The following MAPKAP1 variants were observed in gnomAD, a reference collection of about 807,000 sequenced individuals.
The protein encoded by MAPKAP1 is MAPK associated protein 1.
Under a neutral mutation model 65.7 loss-of-function variants are expected in MAPKAP1, and 20 were observed. The ratio of observed to expected loss-of-function variants is 0.30; its 90% CI spans 0.21 to 0.44. The LOEUF is 0.44. MAPKAP1 is among the 20% of genes least tolerant of loss of function. The probability of loss-of-function intolerance (pLI) is 1.00; values close to 1 mark genes in which losing one functional copy is unlikely to be tolerated. For missense variants in MAPKAP1, 423 were observed against 648.0 expected, an observed-to-expected ratio of 0.65 and a Z score of 3.77; for synonymous variants, 222 against 244.3, an observed-to-expected ratio of 0.91 and a Z score of 0.85.
At chr9:125,527,841 G>A (rs987871101) in intron 7 of MAPKAP1, among the ~76,000 whole-genome samples, 5 of 152,130 alleles carry the variant, frequency 3.3e-5, no homozygotes, top group Non-Finnish European at 2.9e-5. Context: ...TAATTTCAAC[G>A]GATATGCATC....
At chr9:125,602,750 C>T (rs1463549398) in intron 4 of MAPKAP1, among the ~76,000 whole-genome samples, 2 of 152,076 alleles carry the variant, frequency 1.3e-5, no homozygotes, top group African/African-American at 4.8e-5. Context: ...TTAATATGCC[C>T]AACAGTCCTG....
At chr9:125,587,501 T>C (rs1831824464) in intron 4 of MAPKAP1, among the ~76,000 whole-genome samples, 1 of 152,204 alleles carries the variant, frequency 6.6e-6, no homozygotes, top group African/African-American at 2.4e-5. Flanking sequence ...AGAAGGCAGA[T>C]GTTGCAATGA....
Position 125,524,619 on chromosome 9 carries a change from C to T in MAPKAP1, c.959-18202G>A, listed in dbSNP as rs559542731. ...ATGGGAAAAATGGCAGAAGAGGAGA[C>T]GTGGCTGTCAGCCATTTTCCTTTCT... On this transcript the variant is annotated intron_variant, in intron 7 of 11. Transcript: ENST00000265960. Among the ~76,000 whole-genome samples the T allele has an allele frequency of 5.8e-4, 88 of 152,340 alleles. 2 individuals carry two copies. In the South Asian group the frequency reaches 0.016, roughly 27 times the overall value.
chr9:125,635,920 A>T (rs1833410857), intron 4 of MAPKAP1, among the ~76,000 whole-genome samples: 1 of 152,242 alleles, frequency 6.6e-6, no homozygotes, highest in African/African-American at 2.4e-5. Context: ...TTTTCACTAA[A>T]TTAAACTAAA....
At chr9:125,554,438 G>T (rs1354646247) in intron 6 of MAPKAP1, among the ~76,000 whole-genome samples, 1 of 152,190 alleles carries the variant, frequency 6.6e-6, no homozygotes, top group Non-Finnish European at 1.5e-5. Context: ...TTGAAACAGG[G>T]AGAGTCCTGG....
chr9:125,702,007 T>G (rs1324599933), intron 1 of MAPKAP1, among the ~76,000 whole-genome samples: 1 of 152,206 alleles, frequency 6.6e-6, no homozygotes, highest in Non-Finnish European at 1.5e-5. Flanking sequence ...AGCAGCCAGG[T>G]AGGTTGGAGT....
chr9:125,631,106 A>C (rs1833267687), intron 4 of MAPKAP1, among the ~76,000 whole-genome samples: 1 of 151,642 alleles, frequency 6.6e-6, no homozygotes, highest in African/African-American at 2.4e-5. Flanking sequence ...CAAAAAAAAA[A>C]AAAAAGCCTG....
intron 10 of MAPKAP1, among the ~76,000 whole-genome samples, chr9:125,464,559 T>C (rs529923534): frequency 3.6e-4 from 55 of 152,336 alleles, no homozygotes; most frequent in African/African-American, 1.3e-3. Flanking sequence ...TTCATATTTA[T>C]ATGTACAATT....
chr9:125,481,215 T>C (rs1312772962), intron 9 of MAPKAP1, among the ~76,000 whole-genome samples: 1 of 152,166 alleles, frequency 6.6e-6, no homozygotes, highest in Non-Finnish European at 1.5e-5. Context: ...CTTTTTCCTT[T>C]GAAATAATTT....
chr9:125,525,709 A>AC (rs1440317403), intron 7 of MAPKAP1, among the ~76,000 whole-genome samples: 13 of 151,098 alleles, frequency 8.6e-5, no homozygotes, highest in Admixed American at 6.6e-4. Flanking sequence ...AAACAAACAA[A>AC]AAAAAAAAAA....
At chr9:125,570,249 G>C (rs986462485) in intron 5 of MAPKAP1, among the ~76,000 whole-genome samples, 2 of 152,204 alleles carry the variant, frequency 1.3e-5, no homozygotes, top group Non-Finnish European at 2.9e-5. Flanking sequence ...GGGCAAGTTA[G>C]AAAGTCCAAG....
intron 7 of MAPKAP1, among the ~76,000 whole-genome samples, chr9:125,519,519 C>T (rs1829559150): frequency 6.6e-6 from 1 of 151,664 alleles, no homozygotes; most frequent in African/African-American, 2.4e-5. Context: ...GTCTTAGCTG[C>T]TTGGAAGGCT....
chr9:125,677,208 G>C (rs1834671680), intron 1 of MAPKAP1, among the ~76,000 whole-genome samples: 1 of 152,162 alleles, frequency 6.6e-6, no homozygotes, highest in Non-Finnish European at 1.5e-5. Flanking sequence ...GGAGGCCGAG[G>C]CGGGCGGATC....
intron 7 of MAPKAP1, chr9:125,521,600 A>T (rs1217925168): frequency 3.5e-5 from 52 of 1,480,196 alleles, no homozygotes; most frequent in Non-Finnish European, 8.9e-6. Flanking sequence ...ACTGCAGAGG[A>T]ATTTAGCTGT....
intron 10 of MAPKAP1, among the ~76,000 whole-genome samples, chr9:125,452,779 T>C (rs527241961): frequency 1.3e-5 from 2 of 151,880 alleles, no homozygotes; most frequent in South Asian, 4.2e-4. Flanking sequence ...GAGGCTGGGC[T>C]GGGAGGCTGA....
rs987058884 is a variant in MAPKAP1 at position 125,644,675 on chromosome 9, T to C, written c.498+12976A>G. ...TAAAAGGTTACTTTAATGTGAATAA[T>C]AGCCTCCCAATATACTCAAGTTAAT... On this transcript the variant is annotated intron_variant, in intron 4 of 11. Transcript: ENST00000265960. Among the ~76,000 whole-genome samples the C allele has an allele frequency of 2.6e-5, 4 of 152,340 alleles. 1 individual carries two copies.
At chr9:125,703,861 A>G (rs992576125) in intron 1 of MAPKAP1, among the ~76,000 whole-genome samples, 6 of 152,170 alleles carry the variant, frequency 3.9e-5, no homozygotes, top group Non-Finnish European at 5.9e-5. Context: ...TAAGGCCTAT[A>G]CATCAGAATA....
At chr9:125,693,721 G>GTATACACACATATACACA (rs1564620357) in intron 1 of MAPKAP1, among the ~76,000 whole-genome samples, 2 of 58,920 alleles carry the variant, frequency 3.4e-5, no homozygotes, top group African/African-American at 7.9e-5. Flanking sequence ...ATATATACAC[G>GTATACACACATATACACA]TATATACACA....
At chr9:125,610,585 A>T (rs938473772) in intron 4 of MAPKAP1, among the ~76,000 whole-genome samples, 1 of 152,076 alleles carries the variant, frequency 6.6e-6, no homozygotes, top group African/African-American at 2.4e-5. Context: ...ACCCACCACC[A>T]CCAAAGACCT....
Sources: allele counts gnomAD v4.1 joint callset (sites outside exome capture counted in the v4.1 genomes callset), GRCh38; gene constraint gnomAD v4.1.1; transcripts MANE v1.5; gene names NCBI Gene and HGNC (gene_info 2026-07-23, HGNC 2026-07-21).